The following ZBTB38 variants were observed in gnomAD, a reference collection of about 807,000 sequenced individuals.
ZBTB38 encodes the protein zinc finger and BTB domain-containing protein 38.
ZBTB38 carries 20 observed loss-of-function variants against 76.8 expected under a neutral mutation model. The observed-to-expected ratio is 0.26, with a 90% CI of 0.18 to 0.38. The LOEUF is 0.38. Ranked by LOEUF, ZBTB38 falls within the 10% of genes least tolerant of loss-of-function variation. ZBTB38 has a pLI of 1.00. For missense variants in ZBTB38, 1,082 were observed against 1,482.3 expected, an observed-to-expected ratio of 0.73 and a Z score of 4.43; for synonymous variants, 504 against 544.2, an observed-to-expected ratio of 0.93 and a Z score of 1.03.
At chr3:141,390,809 A>T (rs1576930827) in intron 4 of ZBTB38, among the ~76,000 whole-genome samples, 1 of 152,288 alleles carries the variant, frequency 6.6e-6, no homozygotes, top group East Asian at 1.9e-4. Context: ...AATAAGCAAA[A>T]ATATAGATGT....
At chr3:141,437,944 C>A (rs2079161843) in intron 5 of ZBTB38, among the ~76,000 whole-genome samples, 1 of 152,078 alleles carries the variant, frequency 6.6e-6, no homozygotes, top group South Asian at 2.1e-4. Flanking sequence ...TGGAGTCTCG[C>A]TCTGTTGCCC....
At chr3:141,431,341 A>AATATATATATAT (rs1553771301) in intron 5 of ZBTB38, among the ~76,000 whole-genome samples, 82 of 103,076 alleles carry the variant, frequency 8.0e-4, no homozygotes, top group East Asian at 2.7e-3. Context: ...AAAAAAAAAA[A>AATATATATATAT]ATATATATAT....
chr3:141,439,576 A>G (rs752620161), intron 5 of ZBTB38, among the ~76,000 whole-genome samples: 4 of 152,228 alleles, frequency 2.6e-5, no homozygotes, highest in African/African-American at 4.8e-5. Context: ...TGTATATTAT[A>G]AATCTGAGTC....
intron 5 of ZBTB38, among the ~76,000 whole-genome samples, chr3:141,435,550 A>AG (rs2078579218): frequency 6.6e-6 from 1 of 152,190 alleles, no homozygotes; most frequent in South Asian, 2.1e-4. Flanking sequence ...TTACAAGGTC[A>AG]GGAGTTCAAG....
At chr3:141,330,176 AGTGTTG>A (rs1238128223) in intron 1 of ZBTB38, among the ~76,000 whole-genome samples, 87 of 152,250 alleles carry the variant, frequency 5.7e-4, no homozygotes, top group African/African-American at 2.1e-3. Context: ...GTACGTGTCC[AGTGTTG>A]ACTATAGCCA....
At chr3:141,433,456 C>T (rs2078060513) in intron 5 of ZBTB38, among the ~76,000 whole-genome samples, 1 of 151,690 alleles carries the variant, frequency 6.6e-6, no homozygotes, top group South Asian at 2.1e-4. Context: ...TCAATATTTA[C>T]CATATTCAAC....
chr3:141,391,443 C>T (rs1312094684), intron 4 of ZBTB38, among the ~76,000 whole-genome samples: 1 of 152,126 alleles, frequency 6.6e-6, no homozygotes, highest in African/African-American at 2.4e-5. Flanking sequence ...AGGTAAGCTT[C>T]CCCTACAGTA....
chr3:141,421,289 T>C (rs2075308502), intron 5 of ZBTB38, among the ~76,000 whole-genome samples: 1 of 151,008 alleles, frequency 6.6e-6, no homozygotes, highest in Admixed American at 6.6e-5. Flanking sequence ...TTTTTTTTTT[T>C]TTTTTTTTTC....
chr3:141,373,513 A>G (rs1006645008), intron 2 of ZBTB38, among the ~76,000 whole-genome samples: 2 of 152,242 alleles, frequency 1.3e-5, no homozygotes, highest in African/African-American at 4.8e-5. Context: ...GGTCAGCATC[A>G]TGAATGTTCT....
intron 5 of ZBTB38, among the ~76,000 whole-genome samples, chr3:141,417,271 G>A (rs2074277204): frequency 1.3e-5 from 2 of 152,106 alleles, no homozygotes; most frequent in African/African-American, 4.8e-5. Flanking sequence ...TCATTGCACT[G>A]TACATCTGAA....
chr3:141,439,053 A>T (rs1403196714), intron 5 of ZBTB38, among the ~76,000 whole-genome samples: 1 of 151,422 alleles, frequency 6.6e-6, no homozygotes, highest in East Asian at 1.9e-4. Flanking sequence ...GAAGTAATCC[A>T]GGGCCTCTGT....
intron 5 of ZBTB38, among the ~76,000 whole-genome samples, chr3:141,423,574 G>C (rs2075833473): frequency 6.6e-6 from 1 of 152,178 alleles, no homozygotes; most frequent in East Asian, 1.9e-4. Context: ...TGAAGACAAA[G>C]ATAACTCACT....
At chr3:141,414,903 C>T (rs2149975676) in intron 5 of ZBTB38, among the ~76,000 whole-genome samples, 1 of 152,224 alleles carries the variant, frequency 6.6e-6, no homozygotes, top group East Asian at 1.9e-4. Flanking sequence ...TGACCTTCCA[C>T]ACACCCTGGA....
intron 5 of ZBTB38, among the ~76,000 whole-genome samples, chr3:141,431,359 G>GA (rs1490247282): frequency 7.6e-6 from 1 of 131,588 alleles, no homozygotes; most frequent in Non-Finnish European, 1.5e-5. Flanking sequence ...TATATATTTG[G>GA]GGGGGACTCT....
rs567248712 is a variant in ZBTB38, at chr3:141,338,192, G to A, written c.-739+13736G>A. Among the ~76,000 whole-genome samples the A allele has an allele frequency of 4.6e-5, 7 of 152,274 alleles. No individual in the cohort carries two copies. In the East Asian group the frequency reaches 1.3e-3, roughly 29 times the overall value. ...AGGGAACACTTATACACTGCTGGTG[G>A]GAGTGTAAACTAGTTCATCTGCTGT... On this transcript the variant is annotated intron_variant, in intron 1 of 7. Coordinates refer to the ZBTB38 transcript ENST00000509842.
intron 2 of ZBTB38, among the ~76,000 whole-genome samples, chr3:141,379,070 C>A (rs942510006): frequency 5.3e-5 from 8 of 152,212 alleles, no homozygotes; most frequent in African/African-American, 1.9e-4. Context: ...TTTAACAGCG[C>A]TGCTGTCTCT....
intron 1 of ZBTB38, among the ~76,000 whole-genome samples, chr3:141,346,836 A>C (rs1376758479): frequency 6.7e-6 from 1 of 149,746 alleles, no homozygotes; most frequent in Non-Finnish European, 1.5e-5. Context: ...TCACACATGA[A>C]GAAGGCCAAA....
chr3:141,340,841 G>C (rs1246249849), intron 1 of ZBTB38, among the ~76,000 whole-genome samples: 1 of 150,608 alleles, frequency 6.6e-6, no homozygotes, highest in East Asian at 1.9e-4. Flanking sequence ...AGGTTGCAGT[G>C]AGCTAAGATT....
chr3:141,392,415 A>G lies in ZBTB38; in HGVS notation c.-106+5478A>G, dbSNP rs142515384. On this transcript the variant is annotated intron_variant, in intron 4 of 5. Coordinates refer to ENST00000321464, the MANE Select transcript of ZBTB38 (RefSeq NM_001376113.1). ...TAGTCCCCCTATGAAACTGCAGTCC[A>G]GGTTCCCACACAAGGGTAGAGCATT... Among the ~76,000 whole-genome samples, 96 of 152,380 alleles carry G rather than the reference A, an allele frequency of 6.3e-4. 1 individual carries two copies. The East Asian group carries it at 0.018, about 29-fold the overall frequency.
Sources: gnomAD v4.1 joint callset for allele counts (sites outside exome capture counted in the v4.1 genomes callset) on GRCh38, gnomAD v4.1.1 for gene constraint, MANE v1.5 for transcripts, NCBI Gene and HGNC (gene_info 2026-07-23, HGNC 2026-07-21) for gene names.